The following LPP variants were observed in gnomAD, a reference collection of about 807,000 sequenced individuals.
LPP encodes the protein LIM domain containing preferred translocation partner in lipoma.
Under a neutral mutation model 60.4 loss-of-function variants are expected in LPP, and 38 were observed. That is an observed-to-expected ratio of 0.63 (90% CI 0.49 to 0.83). The LOEUF (loss-of-function observed/expected upper bound fraction) is 0.83. Among genes scored for constraint, LPP ranks in the 40% least tolerant of loss-of-function variants. LPP has a pLI of 0.00. For synonymous variants in LPP, 328 were observed against 290.8 expected, an observed-to-expected ratio of 1.13 and a Z score of -1.30; for missense variants, 902 against 783.6, an observed-to-expected ratio of 1.15 and a Z score of -1.80.
chr3:188,196,330 C>G (rs1219519024), intron 1 of LPP, among the ~76,000 whole-genome samples: 1 of 152,174 alleles, frequency 6.6e-6, no homozygotes, highest in Non-Finnish European at 1.5e-5. Flanking sequence ...TGGGGCTCAC[C>G]GTGTCTTTTG....
intron 9 of LPP, among the ~76,000 whole-genome samples, chr3:188,858,119 T>A (rs955507074): frequency 2.6e-5 from 4 of 152,212 alleles, no homozygotes; most frequent in African/African-American, 9.6e-5. Context: ...GTTTCACTAA[T>A]TCTCTTACTA....
intron 4 of LPP, among the ~76,000 whole-genome samples, chr3:188,420,128 AG>A (rs1380533580): frequency 1.3e-3 from 203 of 152,234 alleles, no homozygotes; most frequent in African/African-American, 4.8e-3. Context: ...AATCCCATAT[AG>A]CTCATGCTGA....
intron 6 of LPP, among the ~76,000 whole-genome samples, chr3:188,553,215 T>G (rs76790846): frequency 0.014 from 2,116 of 152,290 alleles, 25 homozygotes; most frequent in South Asian, 0.05. Context: ...TTGGGACACA[T>G]ATTAGTGCCA....
At chr3:188,753,461 C>G (rs1033864038) in intron 8 of LPP, among the ~76,000 whole-genome samples, 1 of 151,990 alleles carries the variant, frequency 6.6e-6, no homozygotes, top group Non-Finnish European at 1.5e-5. Flanking sequence ...TAACAACTTC[C>G]CCTTGCCAGG....
chr3:188,277,380 A>G (rs529070226), intron 2 of LPP, among the ~76,000 whole-genome samples: 2 of 152,274 alleles, frequency 1.3e-5, no homozygotes, highest in East Asian at 3.9e-4. Context: ...GTCAACTCAG[A>G]GGAACATCTC....
chr3:188,271,065 G>C (rs1246664176), intron 2 of LPP, among the ~76,000 whole-genome samples: 1 of 152,190 alleles, frequency 6.6e-6, no homozygotes, highest in African/African-American at 2.4e-5. Context: ...CCCAGTGAAA[G>C]CATTTTCTAA....
rs149528944 is a variant in LPP, at chr3:188,213,433, A to G, written c.-189-11972A>G. Reference sequence around the variant, plus strand: ...CTCATTATGTGGGATTAGAACCCAGATCTTCTCTCTCAGTTCGTTCTCCTT... The same window carrying G: ...CTCATTATGTGGGATTAGAACCCAGGTCTTCTCTCTCAGTTCGTTCTCCTT... On this transcript the variant is annotated intron_variant, in intron 1 of 11. Transcript: ENST00000617246. Among the ~76,000 whole-genome samples, 65 of 152,236 alleles carry G rather than the reference A, an allele frequency of 4.3e-4. No homozygotes were observed. The East Asian group carries it at 0.011, about 25-fold the overall frequency.
intron 3 of LPP, among the ~76,000 whole-genome samples, chr3:188,371,937 C>T (rs1215548328): frequency 6.6e-6 from 1 of 151,124 alleles, no homozygotes. Flanking sequence ...GGATTACAGA[C>T]GTGAGCCACT....
intron 3 of LPP, among the ~76,000 whole-genome samples, chr3:188,378,071 T>C (rs1775721530): frequency 6.6e-6 from 1 of 152,178 alleles, no homozygotes; most frequent in Non-Finnish European, 1.5e-5. Context: ...CTGGAAGTTT[T>C]GTCTCAGAGG....
At chr3:188,359,162 G>T (rs1394265267) in intron 3 of LPP, among the ~76,000 whole-genome samples, 1 of 152,146 alleles carries the variant, frequency 6.6e-6, no homozygotes, top group Admixed American at 6.5e-5. Flanking sequence ...CTGAACACAG[G>T]TCATCTCAGA....
intron 7 of LPP, among the ~76,000 whole-genome samples, chr3:188,680,570 A>G (rs141056693): frequency 6.6e-6 from 1 of 152,366 alleles, no homozygotes. Context: ...CCTTACCCTC[A>G]AATCAGTAGC....
intron 2 of LPP, among the ~76,000 whole-genome samples, chr3:188,240,693 G>A (rs1724201336): frequency 6.6e-6 from 1 of 152,214 alleles, no homozygotes; most frequent in African/African-American, 2.4e-5. Flanking sequence ...TGCTCAGGTG[G>A]GATAACACAT....
chr3:188,467,517 T>C (rs1425400075), intron 4 of LPP, among the ~76,000 whole-genome samples: 1 of 152,070 alleles, frequency 6.6e-6, no homozygotes, highest in African/African-American at 2.4e-5. Context: ...TCTTAATCTC[T>C]GGAACATGTG....
chr3:188,265,873 GT>G (rs1560176451), intron 2 of LPP, among the ~76,000 whole-genome samples: 14 of 131,608 alleles, frequency 1.1e-4, no homozygotes, highest in African/African-American at 5.0e-4. Flanking sequence ...TTACTCTGGT[GT>G]GTGTGTGTGT....
intron 3 of LPP, among the ~76,000 whole-genome samples, chr3:188,379,821 A>C (rs374589792): frequency 3.9e-5 from 6 of 152,320 alleles, no homozygotes; most frequent in South Asian, 2.1e-4. Context: ...ATGATGCATT[A>C]GGGAGAGCTA....
At chr3:188,640,464 C>T (rs368821040) in intron 7 of LPP, among the ~76,000 whole-genome samples, 4 of 148,094 alleles carry the variant, frequency 2.7e-5, no homozygotes, top group African/African-American at 5.0e-5. Flanking sequence ...CACATGTATA[C>T]GTATGTAAGT....
intron 4 of LPP, among the ~76,000 whole-genome samples, chr3:188,439,549 A>C (rs970995073): frequency 3.3e-5 from 5 of 152,230 alleles, no homozygotes; most frequent in Admixed American, 1.3e-4. Flanking sequence ...CTTGGCACTC[A>C]GATTTGCAAA....
At chr3:188,839,956 C>T (rs1759514482) in intron 9 of LPP, among the ~76,000 whole-genome samples, 1 of 151,788 alleles carries the variant, frequency 6.6e-6, no homozygotes, top group South Asian at 2.1e-4. Context: ...TTTTATTATC[C>T]ACAAATAATA....
At chr3:188,509,624 C>CCCTTCCTT (rs1166656652) in intron 5 of LPP, among the ~76,000 whole-genome samples, 46 of 116,892 alleles carry the variant, frequency 3.9e-4, no homozygotes, top group African/African-American at 1.3e-3. Flanking sequence ...TTTTTTTGTC[C>CCCTTCCTT]CCTTCCTTCC....
Sources: gnomAD v4.1 joint callset for allele counts (sites outside exome capture counted in the v4.1 genomes callset) on GRCh38, gnomAD v4.1.1 for gene constraint, MANE v1.5 for transcripts, NCBI Gene and HGNC (gene_info 2026-07-23, HGNC 2026-07-21) for gene names.